DNAH14: variants seen among roughly 807,000 people sequenced by gnomAD.
DNAH14 encodes the protein dynein axonemal heavy chain 14.
A neutral mutation model predicts 520.9 loss-of-function variants in DNAH14; 478 were observed. The ratio of observed to expected loss-of-function variants is 0.92; its 90% CI spans 0.85 to 0.99. The LOEUF (loss-of-function observed/expected upper bound fraction) is 0.99, where lower values mean the gene tolerates loss of function less well. Among genes scored for constraint, DNAH14 ranks in the 50% least tolerant of loss-of-function variants. The pLI is 0.00. For missense variants in DNAH14, 4,831 were observed against 5,234.5 expected (o/e 0.92, Z 2.38); for synonymous variants, 1,581 against 1,757.2 (o/e 0.90, Z 2.51).
intron 26 of DNAH14, 114 bp downstream of exon 26, chr1:225,119,408 T>C (rs1257887270): frequency 3.0e-6 from 2 of 664,682 alleles, no homozygotes; most frequent in African/African-American, 3.8e-5. Flanking sequence ...GTGAGAAATA[T>C]CCAGAAAAGA....
intron 17 of DNAH14, among the ~76,000 whole-genome samples, chr1:225,056,395 A>C (rs1464005281): frequency 6.6e-6 from 1 of 151,898 alleles, no homozygotes; most frequent in Non-Finnish European, 1.5e-5. Flanking sequence ...TTTGCTTGTA[A>C]ATTTGTTTGA....
chr1:225,005,563 A>G (rs565614642), intron 9 of DNAH14, among the ~76,000 whole-genome samples: 2 of 152,260 alleles, frequency 1.3e-5, no homozygotes, highest in African/African-American at 4.8e-5. Flanking sequence ...AAATTTTGAA[A>G]AATTTGGACC....
intron 18 of DNAH14, among the ~76,000 whole-genome samples, chr1:225,079,819 G>A (rs1355079856): frequency 1.3e-5 from 2 of 151,478 alleles, no homozygotes; most frequent in African/African-American, 2.4e-5. Flanking sequence ...GACTACAGGC[G>A]CCTGCCACCA....
At chr1:225,019,151 ACTGT>A (rs1229706872) in intron 10 of DNAH14, among the ~76,000 whole-genome samples, 2 of 152,154 alleles carry the variant, frequency 1.3e-5, no homozygotes, top group Non-Finnish European at 2.9e-5. Flanking sequence ...GCAAGACCCA[ACTGT>A]CTGCTGTCTC....
chr1:225,163,087 A>G (rs1257806831), intron 35 of DNAH14, among the ~76,000 whole-genome samples: 2 of 148,214 alleles, frequency 1.3e-5, no homozygotes, highest in African/African-American at 5.0e-5. Context: ...GCAGTGAGCC[A>G]AGATTGTGCC....
chr1:225,006,701 G>C (rs938866844), intron 9 of DNAH14, among the ~76,000 whole-genome samples: 4 of 152,194 alleles, frequency 2.6e-5, no homozygotes, highest in Non-Finnish European at 5.9e-5. Context: ...TGCATGCCCA[G>C]TGGGACATGG....
In DNAH14 at chr1:225,023,204, G is replaced by A. The variant is rs117558088; in HGVS notation, c.1108-411G>A. ...AGACTCAGCAATACACAATTTAACC[G>A]TGTAACAAACCTGCATATGTACCCT... is the stretch of plus-strand genomic sequence containing the variant. On this transcript the variant is annotated intron_variant, in intron 10 of 85. Transcript: ENST00000682510. 8.2e-4 allele frequency among the ~76,000 whole-genome samples: 125 copies of A among 152,128 alleles called. 4 individuals carry two copies. The South Asian group carries it at 0.02, about 24-fold the overall frequency.
intron 23 of DNAH14, among the ~76,000 whole-genome samples, chr1:225,116,207 A>G (rs2076862347): frequency 6.6e-6 from 1 of 152,224 alleles, no homozygotes; most frequent in Non-Finnish European, 1.5e-5. Flanking sequence ...TTCTCCAGTC[A>G]GGCAGAGGAC....
At chr1:225,218,046 C>G (rs1028728029) in intron 41 of DNAH14, among the ~76,000 whole-genome samples, 1 of 152,152 alleles carries the variant, frequency 6.6e-6, no homozygotes, top group Non-Finnish European at 1.5e-5. Context: ...AATTTAATAT[C>G]CAGCCAAACT....
chr1:225,063,946 A>G lies in DNAH14; in HGVS notation c.2424+12151A>G, dbSNP rs960132467. 2.0e-5 allele frequency among the ~76,000 whole-genome samples: 3 copies of G among 152,174 alleles called. No individual in the cohort carries two copies. The East Asian group carries it at 5.8e-4, about 29-fold the overall frequency. On this transcript the variant is annotated intron_variant, in intron 17 of 85. Transcript: ENST00000682510. ...AAAAGAAAAAAAAAAGAAATTTCAC[A>G]GACTTCTGGTGAGAAATTATGTAAA... is the stretch of plus-strand genomic sequence containing the variant.
intron 41 of DNAH14, among the ~76,000 whole-genome samples, chr1:225,217,629 C>T (rs982689036): frequency 6.6e-6 from 1 of 152,198 alleles, no homozygotes; most frequent in African/African-American, 2.4e-5. Flanking sequence ...GCCTCACTGC[C>T]ACCTTGCAGT....
intron 8 of DNAH14, among the ~76,000 whole-genome samples, chr1:224,985,736 A>G (rs1191056245): frequency 6.6e-6 from 1 of 152,114 alleles, no homozygotes; most frequent in Non-Finnish European, 1.5e-5. Flanking sequence ...AGAAGCAGAA[A>G]TTCTGGAGAT....
At chr1:224,931,951 T>TTTACTTTGGTTAGA (rs2058723832) in intron 1 of DNAH14, among the ~76,000 whole-genome samples, 1 of 152,200 alleles carries the variant, frequency 6.6e-6, no homozygotes, top group African/African-American at 2.4e-5. Flanking sequence ...ATTGATTTCT[T>TTTACTTTGGTTAGA]TTACTTTGGT....
intron 11 of DNAH14, chr1:225,024,311 A>G: frequency 1.1e-6 from 1 of 944,626 alleles, no homozygotes; most frequent in Non-Finnish European, 1.3e-6. Flanking sequence ...GTCAATTCCA[A>G]GAAATATCTG....
chr1:225,039,356 G>A (rs1241603874), intron 12 of DNAH14, among the ~76,000 whole-genome samples: 1 of 151,984 alleles, frequency 6.6e-6, no homozygotes, highest in Non-Finnish European at 1.5e-5. Flanking sequence ...AATGGGAGAA[G>A]CAAAATAGGA....
chr1:225,290,605 G>C, intron 55 of DNAH14, among the ~76,000 whole-genome samples: 1 of 141,466 alleles, frequency 7.1e-6, no homozygotes, highest in Admixed American at 7.3e-5. Context: ...ATGTGTGTGT[G>C]TGTGTGTATG....
intron 23 of DNAH14, among the ~76,000 whole-genome samples, chr1:225,108,050 C>T (rs897489839): frequency 5.3e-5 from 8 of 152,182 alleles, no homozygotes; most frequent in African/African-American, 1.9e-4. Context: ...GAGCCAGTCC[C>T]ACCCTCAATC....
intron 10 of DNAH14, among the ~76,000 whole-genome samples, chr1:225,010,716 A>G (rs1411583809): frequency 6.6e-6 from 1 of 151,950 alleles, no homozygotes; most frequent in Non-Finnish European, 1.5e-5. Flanking sequence ...CTGTGATTCC[A>G]TCTGGTCCTG....
intron 7 of DNAH14, 68 bp downstream of exon 7, chr1:224,968,942 A>T: frequency 9.2e-7 from 1 of 1,087,726 alleles, no homozygotes; most frequent in Non-Finnish European, 1.3e-6. Flanking sequence ...TGCCTGAGTG[A>T]CATCTGGGTT....
Sources: allele counts gnomAD v4.1 joint callset (sites outside exome capture counted in the v4.1 genomes callset), GRCh38; gene constraint gnomAD v4.1.1; transcripts MANE v1.5; gene names NCBI Gene and HGNC (gene_info 2026-07-23, HGNC 2026-07-21).